Variants in DCDC1 observed in about 807,000 individuals in gnomAD.
The protein encoded by DCDC1 is doublecortin domain-containing protein 1.
Under a neutral mutation model 178.3 loss-of-function variants are expected in DCDC1, and 200 were observed. The ratio of observed to expected loss-of-function variants is 1.12; its 90% CI spans 1.00 to 1.26. The LOEUF (loss-of-function observed/expected upper bound fraction) is 1.26, where lower values mean the gene tolerates loss of function less well. Among genes scored for constraint, DCDC1 ranks in the 50% most tolerant of loss-of-function variants. The pLI is 0.00. For missense variants in DCDC1, 1,983 were observed against 1,749.2 expected (o/e 1.13, Z -2.38); for synonymous variants, 690 against 604.8 (o/e 1.14, Z -2.07).
intron 20 of DCDC1, among the ~76,000 whole-genome samples, chr11:31,018,594 A>G (rs934351796): frequency 6.6e-6 from 1 of 152,236 alleles, no homozygotes; most frequent in African/African-American, 2.4e-5. Flanking sequence ...TAACAATACA[A>G]AAGAAAGGTT....
At chr11:31,252,604 C>T (rs1037196740) in intron 8 of DCDC1, among the ~76,000 whole-genome samples, 1 of 151,750 alleles carries the variant, frequency 6.6e-6, no homozygotes, top group Admixed American at 6.6e-5. Flanking sequence ...TAGGGCCCCA[C>T]AAAGAGGAAT....
At chr11:31,178,982 C>T (rs1457985317) in intron 9 of DCDC1, among the ~76,000 whole-genome samples, 3 of 152,236 alleles carry the variant, frequency 2.0e-5, no homozygotes, top group South Asian at 2.1e-4. Flanking sequence ...TGAGCCACCG[C>T]GCCCAGCCAA....
intron 9 of DCDC1, among the ~76,000 whole-genome samples, chr11:31,236,423 T>C (rs1976473809): frequency 6.6e-6 from 1 of 152,038 alleles, no homozygotes; most frequent in Non-Finnish European, 1.5e-5. Flanking sequence ...CCATACTGAA[T>C]TGGCACCTTA....
intron 30 of DCDC1, chr11:30,906,222 G>A (rs1945049679): frequency 8.6e-6 from 2 of 231,782 alleles, no homozygotes; most frequent in Non-Finnish European, 1.7e-5. Context: ...TAGGCAAAAA[G>A]CTGTTCCACG....
At chr11:30,999,909 C>T (rs1464610742) in intron 20 of DCDC1, among the ~76,000 whole-genome samples, 1 of 152,136 alleles carries the variant, frequency 6.6e-6, no homozygotes, top group Non-Finnish European at 1.5e-5. Context: ...GCAAAGAGAA[C>T]TGAGACTTGT....
intron 6 of DCDC1, among the ~76,000 whole-genome samples, chr11:31,291,793 T>C (rs1947247214): frequency 6.6e-6 from 1 of 152,116 alleles, no homozygotes; most frequent in Non-Finnish European, 1.5e-5. Context: ...ATAGCTGCAT[T>C]TATTGCTATT....
chr11:31,308,370 G>T (rs1176660748), intron 3 of DCDC1, among the ~76,000 whole-genome samples: 1 of 152,168 alleles, frequency 6.6e-6, no homozygotes, highest in Non-Finnish European at 1.5e-5. Context: ...CAAGAAACTT[G>T]CAAACAATCC....
Position 30,903,526 on chromosome 11 carries a change from G to A in DCDC1, c.4466C>T (p.Ala1489Val), listed in dbSNP as rs974114906. 9 of 1,605,006 alleles carry A rather than the reference G, an allele frequency of 5.6e-6. No homozygotes were observed. The highest frequency in any genetic ancestry group is 6.0e-6 in the Non-Finnish European group (7 of 1,175,372). ...TATCTGTTCTTTTCCAACAGGAGCT[G>A]CATCTTGCTTTTGTTTCTCAGAGTC... ...QRDSEKQKQD[A>V]APVGKEQIIV... is the part of the protein sequence containing the mutation. The change falls in exon 32 of 39, where the codon GCA (alanine) becomes GTA (valine). Residue 1489 changes from alanine (A) to valine (V), a missense_variant. Ala to Val is a moderately conservative substitution (Grantham distance 64, BLOSUM62 0). Transcript: ENST00000684477.
intron 32 of DCDC1, among the ~76,000 whole-genome samples, chr11:30,902,162 A>T (rs1297987810): frequency 2.0e-5 from 3 of 152,158 alleles, no homozygotes; most frequent in African/African-American, 7.2e-5. Flanking sequence ...CAATGTAATG[A>T]TATTATGAGA....
At chr11:30,982,164 G>A (rs923018750) in intron 20 of DCDC1, among the ~76,000 whole-genome samples, 1 of 152,176 alleles carries the variant, frequency 6.6e-6, no homozygotes, top group Non-Finnish European at 1.5e-5. Context: ...AATAGTTTCT[G>A]ACACTTGTCC....
intron 20 of DCDC1, among the ~76,000 whole-genome samples, chr11:31,019,017 T>C (rs1952685472): frequency 6.6e-6 from 1 of 152,098 alleles, no homozygotes; most frequent in Non-Finnish European, 1.5e-5. Context: ...GGAAGGGAGA[T>C]GCTTCAGTGG....
chr11:31,224,528 G>C (rs1974674569), intron 9 of DCDC1, among the ~76,000 whole-genome samples: 1 of 151,954 alleles, frequency 6.6e-6, no homozygotes, highest in Non-Finnish European at 1.5e-5. Flanking sequence ...AAACTAAAAA[G>C]CTTCTACACA....
intron 20 of DCDC1, among the ~76,000 whole-genome samples, chr11:31,025,999 T>C (rs1440386794): frequency 2.0e-5 from 3 of 151,842 alleles, no homozygotes; most frequent in Admixed American, 6.6e-5. Flanking sequence ...GCAAGAGTTA[T>C]GTAAAATGCA....
At chr11:31,203,287 G>C (rs1031400687) in intron 9 of DCDC1, among the ~76,000 whole-genome samples, 1 of 152,072 alleles carries the variant, frequency 6.6e-6, no homozygotes, top group Non-Finnish European at 1.5e-5. Context: ...AATGAACCTG[G>C]AGCAAGTGGA....
At chr11:31,267,094 C>A (rs934848094) in intron 7 of DCDC1, among the ~76,000 whole-genome samples, 2 of 152,142 alleles carry the variant, frequency 1.3e-5, no homozygotes, top group African/African-American at 4.8e-5. Context: ...ACACTAGCTG[C>A]AATTCAGAGC....
At chr11:31,301,407 G>C (rs1428283313) in intron 6 of DCDC1, among the ~76,000 whole-genome samples, 1 of 152,150 alleles carries the variant, frequency 6.6e-6, no homozygotes, top group Non-Finnish European at 1.5e-5. Flanking sequence ...AGCAGCCATT[G>C]GTGTAGGCAG....
rs1421373279 is a variant in DCDC1, at chr11:31,347,976, C to G, written c.-124-12412G>C. Among the ~76,000 whole-genome samples, 3 of 152,144 alleles carry G rather than the reference C, an allele frequency of 2.0e-5. No individual in the cohort carries two copies. In the East Asian group the frequency reaches 5.8e-4, roughly 29 times the overall value. ...ATCATAAATTGTTTTTCCTTTCTATCAAATAAATACACACTTGTCTATTCC... is the reference window on the plus strand; with the variant it reads ...ATCATAAATTGTTTTTCCTTTCTATGAAATAAATACACACTTGTCTATTCC... On this transcript the variant is annotated intron_variant, in intron 1 of 38. Coordinates refer to ENST00000684477, the MANE Select transcript of DCDC1 (RefSeq NM_001387274.1).
At chr11:31,356,111 T>C (rs1038311237) in intron 1 of DCDC1, among the ~76,000 whole-genome samples, 3 of 152,136 alleles carry the variant, frequency 2.0e-5, no homozygotes, top group Non-Finnish European at 4.4e-5. Context: ...ATAGCTACAG[T>C]ATAAAAAAGC....
intron 9 of DCDC1, among the ~76,000 whole-genome samples, chr11:31,207,858 C>T (rs902965828): frequency 3.3e-5 from 5 of 152,204 alleles, no homozygotes; most frequent in Admixed American, 3.3e-4. Context: ...TCACTAAAAA[C>T]CAACATCTAG....
Sources: gnomAD v4.1 joint callset for allele counts (sites outside exome capture counted in the v4.1 genomes callset) on GRCh38, gnomAD v4.1.1 for gene constraint, MANE v1.5 for transcripts, NCBI Gene and HGNC (gene_info 2026-07-23, HGNC 2026-07-21) for gene names.